The following TRPC4 variants were observed in gnomAD, a reference collection of about 807,000 sequenced individuals.
The protein encoded by TRPC4 is transient receptor potential cation channel subfamily C member 4, also known as short transient receptor potential channel 4.
A neutral mutation model predicts 99.4 loss-of-function variants in TRPC4; 49 were observed. The ratio of observed to expected loss-of-function variants is 0.49; its 90% confidence interval spans 0.39 to 0.63. The LOEUF is 0.63. TRPC4 is among the 20% of genes least tolerant of loss of function. TRPC4 has a pLI of 0.00. For synonymous variants in TRPC4, 454 were observed against 425.9 expected (o/e 1.07, Z -0.81); for missense variants, 898 against 1,152.9 (o/e 0.78, Z 3.20).
chr13:37,701,308 C>CA (rs200107184), intron 3 of TRPC4, among the ~76,000 whole-genome samples: 1,538 of 152,140 alleles, frequency 0.01, 17 homozygotes, highest in African/African-American at 0.032. Flanking sequence ...ATCTAATTGT[C>CA]AATGATTCCT....
chr13:37,746,466 A>T lies in TRPC4; in HGVS notation c.379-11T>A, dbSNP rs768604960. 67 of 1,581,600 alleles carry T rather than the reference A, an allele frequency of 4.2e-5. 1 individual carries two copies. The highest frequency in any genetic ancestry group is 3.4e-6 in the Non-Finnish European group (4 of 1,168,310). On this transcript the variant is annotated splice_polypyrimidine_tract_variant and intron_variant, in intron 2 of 10. Transcript: ENST00000379705. ...GAGTATAGGAGGCACCTAAAAAAAA[A>T]AAAGGCAGAGGTGATGAATATTTAT... is the stretch of plus-strand genomic sequence containing the variant.
intron 1 of TRPC4, among the ~76,000 whole-genome samples, chr13:37,818,168 C>G (rs369552607): frequency 1.5e-3 from 204 of 140,422 alleles, no homozygotes; most frequent in African/African-American, 5.1e-3. Context: ...AAATAAATTT[C>G]AAGAAAAAAA....
chr13:37,795,933 G>A (rs114190340), intron 1 of TRPC4, among the ~76,000 whole-genome samples: 1 of 152,096 alleles, frequency 6.6e-6, no homozygotes, highest in Non-Finnish European at 1.5e-5. Flanking sequence ...CGGTCATACA[G>A]CTACTAAATG....
chr13:37,747,853 A>G (rs567873233), intron 2 of TRPC4, among the ~76,000 whole-genome samples: 5 of 152,290 alleles, frequency 3.3e-5, no homozygotes, highest in South Asian at 4.1e-4. Flanking sequence ...TAGGGTGACC[A>G]CACTGCCTGT....
intron 1 of TRPC4, among the ~76,000 whole-genome samples, chr13:37,818,669 G>A (rs528554704): frequency 6.6e-6 from 1 of 152,100 alleles, no homozygotes; most frequent in Non-Finnish European, 1.5e-5. Context: ...GATGAAGCTG[G>A]AAACCATCAT....
At chr13:37,771,078 C>T (rs1956539054) in intron 2 of TRPC4, among the ~76,000 whole-genome samples, 1 of 151,422 alleles carries the variant, frequency 6.6e-6, no homozygotes, top group Non-Finnish European at 1.5e-5. Flanking sequence ...ATTGGGAAAC[C>T]AATATTGTAT....
chr13:37,713,966 T>C (rs1954570747), intron 3 of TRPC4, among the ~76,000 whole-genome samples: 1 of 152,140 alleles, frequency 6.6e-6, no homozygotes, highest in Admixed American at 6.5e-5. Context: ...ATGCATTCCC[T>C]TCCTTTACTC....
At chr13:37,764,006 C>T (rs2139254397) in intron 2 of TRPC4, among the ~76,000 whole-genome samples, 1 of 151,776 alleles carries the variant, frequency 6.6e-6, no homozygotes. Flanking sequence ...GCCAGAGAAT[C>T]TGGATAACAC....
chr13:37,758,525 C>G (rs1956149252), intron 2 of TRPC4, among the ~76,000 whole-genome samples: 2 of 151,604 alleles, frequency 1.3e-5, no homozygotes, highest in African/African-American at 2.4e-5. Flanking sequence ...TCTTACTCAT[C>G]ATTATTTTGG....
chr13:37,819,362 A>T (rs1158106170), intron 1 of TRPC4, among the ~76,000 whole-genome samples: 2 of 152,130 alleles, frequency 1.3e-5, no homozygotes, highest in Non-Finnish European at 2.9e-5. Context: ...TATTCTAATA[A>T]AAGACACATG....
chr13:37,744,931 G>T (rs1350678265), intron 3 of TRPC4, among the ~76,000 whole-genome samples: 1 of 151,986 alleles, frequency 6.6e-6, no homozygotes, highest in Non-Finnish European at 1.5e-5. Flanking sequence ...TTAATATATG[G>T]AAATTTTACA....
intron 1 of TRPC4, among the ~76,000 whole-genome samples, chr13:37,804,469 T>A (rs1208844241): frequency 6.6e-6 from 1 of 152,084 alleles, no homozygotes; most frequent in Non-Finnish European, 1.5e-5. Flanking sequence ...ATATCAGCTC[T>A]TATAAAAAGA....
At chr13:37,803,052 C>G (rs536574583) in intron 1 of TRPC4, among the ~76,000 whole-genome samples, 1 of 151,962 alleles carries the variant, frequency 6.6e-6, no homozygotes, top group South Asian at 2.1e-4. Flanking sequence ...TAACCTGATA[C>G]TATTATTGTT....
At chr13:37,805,665 A>G (rs889337243) in intron 1 of TRPC4, among the ~76,000 whole-genome samples, 1 of 151,934 alleles carries the variant, frequency 6.6e-6, no homozygotes, top group Non-Finnish European at 1.5e-5. Flanking sequence ...TTGGATGTAA[A>G]CTACTCTGGA....
At chr13:37,648,517 A>G (rs947998500) in intron 8 of TRPC4, among the ~76,000 whole-genome samples, 1 of 152,018 alleles carries the variant, frequency 6.6e-6, no homozygotes, top group Non-Finnish European at 1.5e-5. Flanking sequence ...CCAAATAGCC[A>G]TTGTTGAATG....
chr13:37,664,107 G>A (rs1437835127), intron 5 of TRPC4, among the ~76,000 whole-genome samples: 1 of 152,030 alleles, frequency 6.6e-6, no homozygotes, highest in Non-Finnish European at 1.5e-5. Flanking sequence ...CCTTAAGTAG[G>A]TAAAATACAT....
rs958826499 is a variant in TRPC4, at chr13:37,774,010, T to G, written c.378+8946A>C. ...ATCCAAATATTAATGTGTCAAAAAT[T>G]CACATTTATATATAATGGTACTAGT... On this transcript the variant is annotated intron_variant, in intron 2 of 10. Transcript: ENST00000379705. 3.3e-5 allele frequency among the ~76,000 whole-genome samples: 5 copies of G among 151,860 alleles called. No individual in the cohort carries two copies. The South Asian group carries it at 6.2e-4, about 19-fold the overall frequency.
chr13:37,834,299 T>C (rs991316480), intron 1 of TRPC4, among the ~76,000 whole-genome samples: 5 of 152,234 alleles, frequency 3.3e-5, no homozygotes, highest in African/African-American at 7.2e-5. Flanking sequence ...ACCTAAATTA[T>C]GTGTTGTTTT....
At chr13:37,808,149 G>A (rs994114826) in intron 1 of TRPC4, among the ~76,000 whole-genome samples, 1 of 151,948 alleles carries the variant, frequency 6.6e-6, no homozygotes, top group African/African-American at 2.4e-5. Flanking sequence ...TGCATTCAAA[G>A]GTATGCTTCC....
Sources: allele counts gnomAD v4.1 joint callset (sites outside exome capture counted in the v4.1 genomes callset), GRCh38; gene constraint gnomAD v4.1.1; transcripts MANE v1.5; gene names NCBI Gene and HGNC (gene_info 2026-07-23, HGNC 2026-07-21).